CPNE1: variants seen among roughly 807,000 people sequenced by gnomAD.
The protein encoded by CPNE1 is copine 1, also known as copine-1.
In CPNE1, 58 loss-of-function variants were observed where a neutral mutation model predicts 63.2. The ratio of observed to expected loss-of-function variants is 0.92; its 90% CI spans 0.74 to 1.14. The LOEUF (loss-of-function observed/expected upper bound fraction) is 1.14, where lower values mean the gene tolerates loss of function less well. Among genes scored for constraint, CPNE1 ranks in the 50% most tolerant of loss-of-function variants. The pLI, the probability that CPNE1 is intolerant of heterozygous loss-of-function variation, is 0.00. For synonymous variants in CPNE1, 237 were observed against 249.0 expected, an observed-to-expected ratio of 0.95 and a Z score of 0.45; for missense variants, 672 against 661.7, an observed-to-expected ratio of 1.02 and a Z score of -0.17.
intron 1 of CPNE1, chr20:35,655,243 G>A: frequency 1.2e-6 from 2 of 1,613,858 alleles, no homozygotes; most frequent in East Asian, 2.2e-5. Context: ...ATCAGGAATG[G>A]TCAATCCAGA....
At chr20:35,641,995 C>T (rs2032840136) in intron 1 of CPNE1, among the ~76,000 whole-genome samples, 1 of 152,160 alleles carries the variant, frequency 6.6e-6, no homozygotes, top group Non-Finnish European at 1.5e-5. Context: ...AGAAATTGGG[C>T]AACTGCAAAA....
chr20:35,653,674 T>C (rs761223036), intron 1 of CPNE1: 3 of 1,614,210 alleles, frequency 1.9e-6, no homozygotes, highest in African/African-American at 1.3e-5. Flanking sequence ...GAATGGAATA[T>C]TTGTTATGTG....
chr20:35,664,455 C>G (rs999132925), intron 1 of CPNE1: 1 of 152,350 alleles, frequency 6.6e-6, no homozygotes, highest in African/African-American at 2.4e-5. Context: ...CTGCAGTCCC[C>G]GTTAGCTCGC....
Position 35,632,773 on chromosome 20 carries a change from T to C in CPNE1, c.129+22A>G, listed in dbSNP as rs778624980. ...CAATCCTAGCCTCCCTCCACAACCT[T>C]AACCTCCATAATCCGCCTCACCTCA... On this transcript the variant is annotated intron_variant, in intron 2 of 15. Transcript: ENST00000397443. 5.7e-6 allele frequency: 5 copies of C among 871,306 alleles called. No individual in the cohort carries two copies. In the Admixed American group the frequency reaches 8.5e-5, roughly 15 times the overall value. 54.0% of individuals were successfully genotyped at this position (871,306 alleles called of 1,614,324 possible).
At chr20:35,663,685 A>T (rs989648082) in intron 1 of CPNE1, among the ~76,000 whole-genome samples, 2 of 152,184 alleles carry the variant, frequency 1.3e-5, no homozygotes, top group Non-Finnish European at 2.9e-5. Flanking sequence ...CTTAATACTG[A>T]GTAACCCTCA....
rs1045441171 is a variant in CPNE1, at chr20:35,632,590, T to C, written c.236A>G (p.Tyr79Cys). ...ETVQKLRFGIYDIDNKTPELR... is the reference protein window; with the variant it reads ...ETVQKLRFGICDIDNKTPELR... ...CTCTGGCGTCTTGTTGTCTATGTCA[T>C]AGATTCCAAAGCGTAGCTTCTGGAC... is the stretch of plus-strand genomic sequence containing the variant. The change falls in exon 3 of 16, where the codon TAT becomes TGT. Residue 79 changes from tyrosine (Y) to cysteine (C), a missense_variant. By Grantham distance (194) the Tyr-to-Cys change is radical. Coordinates refer to ENST00000397443, the MANE Select transcript of CPNE1 (RefSeq NM_152925.3). 8.1e-6 allele frequency: 13 copies of C among 1,612,660 alleles called. No homozygotes were observed. The highest frequency in any genetic ancestry group is 2.2e-5 in the East Asian group (1 of 44,890).
intron 1 of CPNE1, chr20:35,654,096 G>C: frequency 6.2e-7 from 1 of 1,614,206 alleles, no homozygotes. Flanking sequence ...ATTTTGACCT[G>C]GGAAGTGTCT....
intron 1 of CPNE1, among the ~76,000 whole-genome samples, chr20:35,639,393 AT>A (rs2032675100): frequency 6.6e-6 from 1 of 151,974 alleles, no homozygotes; most frequent in South Asian, 2.1e-4. Context: ...CTGGAGTGCA[AT>A]GGCACCATCT....
In CPNE1 at chr20:35,635,108, T is replaced by A. The variant is rs556641989; in HGVS notation, c.1-2185A>T. On this transcript the variant is annotated intron_variant, in intron 1 of 15. Coordinates refer to ENST00000397443, the MANE Select transcript of CPNE1 (RefSeq NM_152925.3). ...GAATGTGTTCTTTCTCTGCATTATATCCACATGGCTCACTGCTCCCTTTCC... is the reference window on the plus strand; with the variant it reads ...GAATGTGTTCTTTCTCTGCATTATAACCACATGGCTCACTGCTCCCTTTCC... Among the ~76,000 whole-genome samples, 4 of 152,042 alleles carry A rather than the reference T, an allele frequency of 2.6e-5. No homozygotes were observed. The South Asian group carries it at 8.3e-4, about 32-fold the overall frequency.
At chr20:35,637,560 T>C (rs1008895175) in intron 1 of CPNE1, among the ~76,000 whole-genome samples, 6 of 152,034 alleles carry the variant, frequency 3.9e-5, no homozygotes, top group African/African-American at 1.2e-4. Context: ...GGTTCTAATA[T>C]GACATTATTC....
chr20:35,662,315 C>A (rs2034275590), intron 1 of CPNE1, among the ~76,000 whole-genome samples: 1 of 152,220 alleles, frequency 6.6e-6, no homozygotes, highest in Non-Finnish European at 1.5e-5. Flanking sequence ...ACCTAAACAA[C>A]CACATTCACT....
intron 1 of CPNE1, chr20:35,653,065 C>A (rs1364615187): frequency 6.2e-7 from 1 of 1,613,948 alleles, no homozygotes; most frequent in Admixed American, 1.7e-5. Context: ...TGAAGGCATA[C>A]CAGGCCTAGC....
At chr20:35,663,412 CCATT>C (rs1392438137) in intron 1 of CPNE1, among the ~76,000 whole-genome samples, 1 of 152,152 alleles carries the variant, frequency 6.6e-6, no homozygotes, top group Non-Finnish European at 1.5e-5. Context: ...CCATTTCAAA[CCATT>C]CAAGCAAGAA....
chr20:35,630,502 A>T lies in CPNE1; in HGVS notation c.1051-12T>A. On this transcript the variant is annotated splice_polypyrimidine_tract_variant and intron_variant, in intron 12 of 15. Coordinates refer to ENST00000397443, the MANE Select transcript of CPNE1 (RefSeq NM_152925.3). ...AATTCATGCGAGACCTGGAGACAAG[A>T]ATGAAAATGAGGTTCTTTCCCCATG... 1 of 1,613,940 alleles carries T rather than the reference A, an allele frequency of 6.2e-7. No homozygotes were observed. The highest frequency in any genetic ancestry group is 8.5e-7 in the Non-Finnish European group (1 of 1,179,846).
chr20:35,634,538 A>G (rs1318506288), intron 1 of CPNE1, among the ~76,000 whole-genome samples: 1 of 150,086 alleles, frequency 6.7e-6, no homozygotes, highest in African/African-American at 2.5e-5. Context: ...AGGTTGAAGT[A>G]AGCCGAGATC....
intron 1 of CPNE1, among the ~76,000 whole-genome samples, chr20:35,660,939 GGTTAC>G (rs1295574860): frequency 1.7e-4 from 26 of 152,124 alleles, no homozygotes; most frequent in Admixed American, 1.7e-3. Flanking sequence ...ATTTCTAAAA[GGTTAC>G]CAGAAATTAC....
chr20:35,636,690 G>C (rs1032828216), intron 1 of CPNE1, among the ~76,000 whole-genome samples: 1 of 151,990 alleles, frequency 6.6e-6, no homozygotes, highest in Non-Finnish European at 1.5e-5. Flanking sequence ...CCAGCTACTC[G>C]GGAGCCAGGA....
intron 1 of CPNE1, chr20:35,654,335 C>T: frequency 6.2e-7 from 1 of 1,614,158 alleles, no homozygotes. Context: ...TGCACTGCAT[C>T]AACACGGAGC....
At chr20:35,658,971 G>T in intron 1 of CPNE1, 1 of 717,004 alleles carries the variant, frequency 1.4e-6, no homozygotes, top group South Asian at 1.5e-5. Flanking sequence ...AGAAGTAGAG[G>T]CCAAGTCAAT....
Sources: allele counts gnomAD v4.1 joint callset (sites outside exome capture counted in the v4.1 genomes callset), GRCh38; gene constraint gnomAD v4.1.1; transcripts MANE v1.5; gene names NCBI Gene and HGNC (gene_info 2026-07-23, HGNC 2026-07-21).